The following CCSER1 variants were observed in gnomAD, a reference collection of about 807,000 sequenced individuals.
The protein encoded by CCSER1 is serine-rich coiled-coil domain-containing protein 1.
A neutral mutation model predicts 82.0 loss-of-function variants in CCSER1; 41 were observed. The observed-to-expected ratio is 0.50, with a 90% confidence interval of 0.39 to 0.65. The LOEUF (loss-of-function observed/expected upper bound fraction) is 0.65. Ranked by LOEUF, CCSER1 falls within the 30% of genes least tolerant of loss-of-function variation. CCSER1 has a pLI of 0.00. For synonymous variants in CCSER1, 414 were observed against 383.9 expected (o/e 1.08, Z -0.92); for missense variants, 1,119 against 1,064.2 (o/e 1.05, Z -0.72).
intron 10 of CCSER1, among the ~76,000 whole-genome samples, chr4:91,266,011 A>G (rs1337296517): frequency 1.3e-5 from 2 of 152,124 alleles, no homozygotes; most frequent in Non-Finnish European, 2.9e-5. Context: ...AGCCCCTTGT[A>G]AAACCATGAG....
intron 1 of CCSER1, among the ~76,000 whole-genome samples, chr4:90,220,391 A>AT (rs200425609): frequency 0.012 from 1,847 of 148,972 alleles, 22 homozygotes; most frequent in African/African-American, 0.035. Flanking sequence ...TTCTTCTATG[A>AT]TTTTTTTTTT....
At chr4:90,141,644 G>T (rs967294361) in intron 1 of CCSER1, among the ~76,000 whole-genome samples, 1 of 152,196 alleles carries the variant, frequency 6.6e-6, no homozygotes, top group Non-Finnish European at 1.5e-5. Context: ...AACAACTCTA[G>T]TGGAAGAGCC....
At chr4:90,563,216 A>G (rs929976851) in intron 5 of CCSER1, among the ~76,000 whole-genome samples, 1 of 151,754 alleles carries the variant, frequency 6.6e-6, no homozygotes, top group Non-Finnish European at 1.5e-5. Context: ...GGTTGAAGCA[A>G]TTTTCCTGCC....
At chr4:90,574,695 C>T (rs1490095953) in intron 5 of CCSER1, among the ~76,000 whole-genome samples, 1 of 151,606 alleles carries the variant, frequency 6.6e-6, no homozygotes, top group Non-Finnish European at 1.5e-5. Context: ...AAAAGGCACT[C>T]AGTAAATATC....
chr4:90,554,731 G>T (rs1286046519), intron 5 of CCSER1, among the ~76,000 whole-genome samples: 2 of 152,182 alleles, frequency 1.3e-5, no homozygotes, highest in Non-Finnish European at 2.9e-5. Context: ...TTCTGTAAGT[G>T]AATGCTGTTT....
intron 7 of CCSER1, among the ~76,000 whole-genome samples, chr4:90,731,838 A>T (rs1476866843): frequency 6.6e-6 from 1 of 152,176 alleles, no homozygotes. Context: ...ATAATTTATT[A>T]TTGATGTTTA....
intron 10 of CCSER1, among the ~76,000 whole-genome samples, chr4:91,091,224 T>A (rs1382615217): frequency 6.6e-6 from 1 of 152,208 alleles, no homozygotes; most frequent in African/African-American, 2.4e-5. Flanking sequence ...CTGTTCTGGC[T>A]AATACTTTAC....
At chr4:90,656,785 G>T (rs1413586240) in intron 6 of CCSER1, among the ~76,000 whole-genome samples, 1 of 151,352 alleles carries the variant, frequency 6.6e-6, no homozygotes, top group African/African-American at 2.4e-5. Flanking sequence ...TTATTACTTT[G>T]TTAGTTATGC....
At position 90,324,030 on chromosome 4, in the gene CCSER1, T is replaced by C. The variant is rs527914841; in HGVS notation, c.1509+10983T>C. 3.9e-5 allele frequency among the ~76,000 whole-genome samples: 6 copies of C among 152,354 alleles called. No homozygotes were observed. The East Asian group carries it at 1.2e-3, about 29-fold the overall frequency. ...TTGTTTATGGCTGCATAGTATTCCA[T>C]GGTGTATAGGTGCCACATTTTCTTG... On this transcript the variant is annotated intron_variant, in intron 3 of 10. Coordinates refer to ENST00000509176, the MANE Select transcript of CCSER1 (RefSeq NM_001145065.2).
chr4:91,301,133 A>G (rs1744635388), intron 10 of CCSER1, among the ~76,000 whole-genome samples: 1 of 151,920 alleles, frequency 6.6e-6, no homozygotes, highest in Non-Finnish European at 1.5e-5. Context: ...TAAATATACT[A>G]TTACTGGATA....
At chr4:91,237,431 G>T (rs1445591637) in intron 10 of CCSER1, among the ~76,000 whole-genome samples, 1 of 150,924 alleles carries the variant, frequency 6.6e-6, no homozygotes, top group Admixed American at 6.6e-5. Flanking sequence ...TATAAACTTG[G>T]TTTACTCACC....
chr4:91,473,855 C>T (rs1403208285), intron 10 of CCSER1, among the ~76,000 whole-genome samples: 1 of 151,938 alleles, frequency 6.6e-6, no homozygotes, highest in Non-Finnish European at 1.5e-5. Context: ...CAGGCTTGGC[C>T]ACATCTTCTA....
intron 10 of CCSER1, among the ~76,000 whole-genome samples, chr4:91,296,354 C>T (rs1280909200): frequency 1.3e-5 from 2 of 149,710 alleles, no homozygotes; most frequent in African/African-American, 4.9e-5. Context: ...TTGGGGAATC[C>T]CATATACTAT....
At position 91,401,852 on chromosome 4, in the gene CCSER1, A is replaced by G. The variant is rs552320310; in HGVS notation, c.2218-196720A>G. On this transcript the variant is annotated intron_variant, in intron 10 of 10. Coordinates refer to ENST00000509176, the MANE Select transcript of CCSER1 (RefSeq NM_001145065.2). ...CTTTGCTATTGTGAATAGTGCCACA[A>G]TAAACATACGTGTGCATGTGTCTTT... is the stretch of plus-strand genomic sequence containing the variant. Among the ~76,000 whole-genome samples the G allele has an allele frequency of 2.4e-3, 365 of 152,298 alleles. 7 individuals are homozygous for G. Among genetic ancestry groups the G allele is most frequent in the Admixed American group, 0.02 (303 of 15,284 alleles).
intron 3 of CCSER1, among the ~76,000 whole-genome samples, chr4:90,392,595 A>G (rs1226916591): frequency 1.3e-5 from 2 of 152,188 alleles, no homozygotes; most frequent in Admixed American, 6.5e-5. Context: ...GCAAAAATGT[A>G]TAATGACATC....
intron 5 of CCSER1, among the ~76,000 whole-genome samples, chr4:90,484,984 T>TG (rs1766765320): frequency 1.3e-5 from 2 of 152,174 alleles, no homozygotes; most frequent in South Asian, 4.1e-4. Context: ...GTGGAGGCTA[T>TG]GGGGCAGGCA....
chr4:91,014,353 T>C (rs1191399488), intron 9 of CCSER1, among the ~76,000 whole-genome samples: 2 of 134,754 alleles, frequency 1.5e-5, no homozygotes, highest in African/African-American at 4.9e-5. Context: ...CTAAGGGCCA[T>C]CAGCTTTTTA....
intron 4 of CCSER1, among the ~76,000 whole-genome samples, chr4:90,437,555 G>A (rs1759205340): frequency 6.6e-6 from 1 of 152,032 alleles, no homozygotes; most frequent in Admixed American, 6.6e-5. Flanking sequence ...TGTATAATGA[G>A]GATAAGAAAA....
chr4:90,561,087 T>G (rs955061709), intron 5 of CCSER1, among the ~76,000 whole-genome samples: 1 of 152,200 alleles, frequency 6.6e-6, no homozygotes, highest in African/African-American at 2.4e-5. Context: ...GAAGATGTGT[T>G]CCGAAAGCCA....
Sources: gnomAD v4.1 joint callset for allele counts (sites outside exome capture counted in the v4.1 genomes callset) on GRCh38, gnomAD v4.1.1 for gene constraint, MANE v1.5 for transcripts, NCBI Gene and HGNC (gene_info 2026-07-23, HGNC 2026-07-21) for gene names.